POP7: variants seen among roughly 807,000 people sequenced by gnomAD.
The protein encoded by POP7 is POP7 ribonuclease P/MRP subunit, also known as ribonuclease P protein subunit p20.
POP7 carries 5 observed loss-of-function variants against 7.5 expected under a neutral mutation model. The ratio of observed to expected loss-of-function variants is 0.66; its 90% CI spans 0.35 to 1.40. The LOEUF (loss-of-function observed/expected upper bound fraction) is 1.40, where lower values mean the gene tolerates loss of function less well. POP7 is among the 40% of genes most tolerant of loss of function. The pLI, the probability that POP7 is intolerant of heterozygous loss-of-function variation, is 0.04. For missense variants in POP7, 170 were observed against 189.1 expected, an observed-to-expected ratio of 0.90 and a Z score of 0.59; for synonymous variants, 85 against 81.6, an observed-to-expected ratio of 1.04 and a Z score of -0.23.
At position 100,707,423 on chromosome 7, in the gene POP7, T is replaced by A; in HGVS notation, c.*170T>A. ...CTTGGTGGGCCCAGTTAGTGGGCCT[T>A]CCTGAGTGTGTGTATGCGGTCTGTA... On this transcript the variant is annotated 3_prime_UTR_variant, in exon 2 of 2. Coordinates refer to ENST00000303151, the MANE Select transcript of POP7 (RefSeq NM_005837.3). 1.4e-6 allele frequency: 1 copy of A among 732,736 alleles called. No individual in the cohort carries two copies. Among genetic ancestry groups the A allele is most frequent in the Non-Finnish European group, 2.3e-6 (1 of 444,194 alleles). The allele number at this position is 732,736 out of a possible 1,614,324, so 45.4% of individuals were successfully genotyped here. A position where few individuals can be genotyped will look rare whatever the true frequency, so the allele number is the denominator to read the frequency against.
intron 1 of POP7, among the ~76,000 whole-genome samples, chr7:100,706,567 C>G (rs1250750423): frequency 6.6e-6 from 1 of 151,948 alleles, no homozygotes; most frequent in Admixed American, 6.6e-5. Flanking sequence ...GCCTCGAACT[C>G]CCGATCTCAA....
At position 100,707,473 on chromosome 7, in the gene POP7, C is replaced by A; in HGVS notation, c.*220C>A. 1.7e-6 allele frequency: 1 copy of A among 579,206 alleles called. No homozygotes were observed. The highest frequency in any genetic ancestry group is 2.9e-5 in the East Asian group (1 of 33,912). The allele number at this position is 579,206 out of a possible 1,614,324, so 35.9% of individuals were successfully genotyped here. ...AACTATTGCCATATAAATAAAAAATCCTGTTGCACTAGTGTCCTGCCATCC... is the reference window on the plus strand; with the variant it reads ...AACTATTGCCATATAAATAAAAAATACTGTTGCACTAGTGTCCTGCCATCC... On this transcript the variant is annotated 3_prime_UTR_variant, in exon 2 of 2. Transcript: ENST00000303151.
At position 100,707,175 on chromosome 7, in the gene POP7, C is replaced by A; in HGVS notation, c.345C>A (p.Thr115=). 1 of 1,614,186 alleles carries A rather than the reference C, an allele frequency of 6.2e-7. No homozygotes were observed. Among genetic ancestry groups the A allele is most frequent in the Non-Finnish European group, 8.5e-7 (1 of 1,180,040 alleles). Residue 115 remains threonine, a synonymous_variant, in exon 2 of 2, where the codon ACC becomes ACA. Transcript: ENST00000303151. The part of the protein sequence containing the change: ...VELVDELEPE[T]DTREPLTRIR... The stretch of plus-strand genomic sequence containing the variant: ...TTGTTGATGAGCTGGAGCCAGAGAC[C>A]GACACACGGGAGCCACTGACTCGGA...
In POP7 at chr7:100,707,165, A is replaced by T; in HGVS notation, c.335A>T (p.Glu112Val). Reference sequence around the variant, plus strand: ...ACCGTGGAGCTTGTTGATGAGCTGGAGCCAGAGACCGACACACGGGAGCCA... The same window carrying T: ...ACCGTGGAGCTTGTTGATGAGCTGGTGCCAGAGACCGACACACGGGAGCCA... ...TSTVELVDEL[E>V]PETDTREPLT... Residue 112 changes from glutamate (E) to valine (V), a missense_variant, in exon 2 of 2, where the codon GAG (glutamate) becomes GTG (valine). Coordinates refer to ENST00000303151, the MANE Select transcript of POP7 (RefSeq NM_005837.3). The T allele has an allele frequency of 6.2e-7, 1 of 1,614,186 alleles. No individual in the cohort carries two copies.
chr7:100,707,006 G>A lies in POP7; in HGVS notation c.176G>A (p.Gly59Glu), dbSNP rs764947441. ...LARCQKLLDGGARGQNACSEI... is the reference protein window; with the variant it reads ...LARCQKLLDGEARGQNACSEI... ...CGCTGCCAGAAGCTGCTGGACGGAGGGGCCCGGGGTCAGAACGCGTGCTCT... is the reference window on the plus strand; with the variant it reads ...CGCTGCCAGAAGCTGCTGGACGGAGAGGCCCGGGGTCAGAACGCGTGCTCT... The change falls in exon 2 of 2, where the codon GGG becomes GAG. Residue 59 changes from glycine to glutamate, a missense_variant. Physicochemically the swap from Gly to Glu is moderately conservative, Grantham distance 98 (BLOSUM62 -2). Coordinates refer to ENST00000303151, the MANE Select transcript of POP7 (RefSeq NM_005837.3). 2 of 1,613,998 alleles carry A rather than the reference G, an allele frequency of 1.2e-6. No individual in the cohort carries two copies. The highest frequency in any genetic ancestry group is 1.3e-5 in the African/African-American group (1 of 74,934).
In POP7 at chr7:100,707,074, A is replaced by G. The variant is rs1806532956; in HGVS notation, c.244A>G (p.Ile82Val). 1 of 1,613,958 alleles carries G rather than the reference A, an allele frequency of 6.2e-7. No homozygotes were observed. The highest frequency in any genetic ancestry group is 8.5e-7 in the Non-Finnish European group (1 of 1,180,042). Residue 82 changes from isoleucine (I) to valine (V), a missense_variant, in exon 2 of 2, where the codon ATC (isoleucine) becomes GTC (valine). By Grantham distance (29) the Ile-to-Val change is conservative. Transcript: ENST00000303151. ...CTTGGGCCTGGCCATCAACCGCGCCATCAACATCGCGCTGCAGCTGCAGGC... is the reference window on the plus strand; with the variant it reads ...CTTGGGCCTGGCCATCAACCGCGCCGTCAACATCGCGCTGCAGCTGCAGGC... Reference protein sequence around the residue: ...HGLGLAINRAINIALQLQAGS... With the variant: ...HGLGLAINRAVNIALQLQAGS...
chr7:100,707,221 C>T lies in POP7; in HGVS notation c.391C>T (p.His131Tyr), dbSNP rs1806536802. 5 of 1,614,110 alleles carry T rather than the reference C, an allele frequency of 3.1e-6. No individual in the cohort carries two copies. The highest frequency in any genetic ancestry group is 4.2e-6 in the Non-Finnish European group (5 of 1,179,942). ...LTRIRNNSAI[H>Y]IRVFRVTPK Reference sequence around the variant, plus strand: ...TCGGATCCGCAACAACTCAGCCATCCACATCCGAGTCTTCAGGGTCACACC... The same window carrying T: ...TCGGATCCGCAACAACTCAGCCATCTACATCCGAGTCTTCAGGGTCACACC... The change falls in exon 2 of 2, where the codon CAC (histidine) becomes TAC (tyrosine). Residue 131 changes from histidine (H) to tyrosine (Y), a missense_variant. His to Tyr is a moderately conservative substitution (Grantham distance 83). Transcript: ENST00000303151.
Position 100,706,971 on chromosome 7 carries a change from C to T in POP7, c.141C>T (p.Ala47=). The T allele has an allele frequency of 5.6e-6, 9 of 1,614,100 alleles. No homozygotes were observed. The highest frequency in any genetic ancestry group is 1.1e-5 in the South Asian group (1 of 91,078). The change falls in exon 2 of 2, where the codon GCC becomes GCT. Residue 47 remains alanine (A), a synonymous_variant. Transcript: ENST00000303151. ...TCAACATGAAGACGGACTTTAAGGC[C>T]CAGCTGGCCCGCTGCCAGAAGCTGC... ...IYVNMKTDFK[A]QLARCQKLLD...
chr7:100,707,273 C>T lies in POP7; in HGVS notation c.*20C>T, dbSNP rs1285771868. On this transcript the variant is annotated 3_prime_UTR_variant, in exon 2 of 2. Coordinates refer to ENST00000303151, the MANE Select transcript of POP7 (RefSeq NM_005837.3). ...AAGTAATTGAAAAGACACTCCTCCA[C>T]TTATCCCCTCCGTGATATGGCTCTT... The T allele has an allele frequency of 1.9e-6, 3 of 1,604,866 alleles. No individual in the cohort carries two copies. In the South Asian group the frequency reaches 3.3e-5, roughly 18 times the overall value.
chr7:100,706,934 A>G lies in POP7; in HGVS notation c.104A>G (p.Asn35Ser), dbSNP rs754657701. The G allele has an allele frequency of 5.6e-6, 9 of 1,614,036 alleles. No individual in the cohort carries two copies. Among genetic ancestry groups the G allele is most frequent in the East Asian group, 2.2e-5 (1 of 44,872 alleles). ...RLPSRLPRRP[N>S]DIYVNMKTDF... ...CCCAGCCGCCTGCCCCGGAGACCCA[A>G]TGACATTTATGTCAACATGAAGACG... Residue 35 changes from asparagine to serine, a missense_variant, in exon 2 of 2, where the codon AAT (asparagine) becomes AGT (serine). Coordinates refer to ENST00000303151, the MANE Select transcript of POP7 (RefSeq NM_005837.3).
chr7:100,706,687 C>T lies in POP7; in HGVS notation c.-10-134C>T, dbSNP rs1806523938. On this transcript the variant is annotated intron_variant, in intron 1 of 1. Coordinates refer to ENST00000303151, the MANE Select transcript of POP7 (RefSeq NM_005837.3). ...ACCCGGGCTCCAGTGATCCTCCCGCCTCGACCTTCCAAAGTGCTGAGGTTA... is the reference window on the plus strand; with the variant it reads ...ACCCGGGCTCCAGTGATCCTCCCGCTTCGACCTTCCAAAGTGCTGAGGTTA... The T allele has an allele frequency of 5.7e-6, 5 of 877,216 alleles. No homozygotes were observed. In the East Asian group the frequency reaches 1.2e-4, roughly 22 times the overall value. The allele number at this position is 877,216 out of a possible 1,614,324, so 54.3% of individuals were successfully genotyped here. A position where few individuals can be genotyped will look rare whatever the true frequency, so the allele number is the denominator to read the frequency against.
rs1270779306 is a variant in POP7 at position 100,706,313 on chromosome 7, G to GGGAGGGGCGGC, written c.-11+19_-11+29dup. 2 of 158,614 alleles carry GGGAGGGGCGGC rather than the reference G, an allele frequency of 1.3e-5. No homozygotes were observed. Among genetic ancestry groups the GGGAGGGGCGGC allele is most frequent in the African/African-American group, 2.4e-5 (1 of 41,496 alleles). 9.8% of individuals were successfully genotyped at this position (158,614 alleles called of 1,614,324 possible). A position where few individuals can be genotyped will look rare whatever the true frequency, so the allele number is the denominator to read the frequency against. On this transcript the variant is annotated intron_variant, in intron 1 of 1. Transcript: ENST00000303151. ...CCTGTGGAACGAAGAGAGTAAGCACGGGAGGGGCGGCGGAGGGGCGCGAGT... is the reference window on the plus strand; with the variant it reads ...CCTGTGGAACGAAGAGAGTAAGCACGGGAGGGGCGGCGGAGGGGCGGCGGAGGGGCGCGAGT...
chr7:100,706,978 G>A lies in POP7; in HGVS notation c.148G>A (p.Ala50Thr). ...NMKTDFKAQL[A>T]RCQKLLDGGA... ...GAAGACGGACTTTAAGGCCCAGCTG[G>A]CCCGCTGCCAGAAGCTGCTGGACGG... is the stretch of plus-strand genomic sequence containing the variant. The change falls in exon 2 of 2, where the codon GCC (alanine) becomes ACC (threonine). Residue 50 changes from alanine to threonine, a missense_variant. Physicochemically the swap from Ala to Thr is moderately conservative, Grantham distance 58 (BLOSUM62 0). Coordinates refer to ENST00000303151, the MANE Select transcript of POP7 (RefSeq NM_005837.3). 3 of 1,614,120 alleles carry A rather than the reference G, an allele frequency of 1.9e-6. No homozygotes were observed. In the South Asian group the frequency reaches 3.3e-5, roughly 18 times the overall value.
In POP7 at chr7:100,707,280, C is replaced by A. The variant is rs1806538457; in HGVS notation, c.*27C>A. 1.3e-6 allele frequency: 2 copies of A among 1,599,790 alleles called. No individual in the cohort carries two copies. The highest frequency in any genetic ancestry group is 2.2e-5 in the South Asian group (2 of 89,840). On this transcript the variant is annotated 3_prime_UTR_variant, in exon 2 of 2. Coordinates refer to ENST00000303151, the MANE Select transcript of POP7 (RefSeq NM_005837.3). ...TGAAAAGACACTCCTCCACTTATCC[C>A]CTCCGTGATATGGCTCTTCGCATGC...
chr7:100,707,416 T>C lies in POP7; in HGVS notation c.*163T>C, dbSNP rs559583366. ...ATTGTCTCTTGGTGGGCCCAGTTAG[T>C]GGGCCTTCCTGAGTGTGTGTATGCG... On this transcript the variant is annotated 3_prime_UTR_variant, in exon 2 of 2. Coordinates refer to ENST00000303151, the MANE Select transcript of POP7 (RefSeq NM_005837.3). The C allele has an allele frequency of 1.4e-5, 11 of 775,118 alleles. No homozygotes were observed. The African/African-American group carries it at 1.9e-4, about 14-fold the overall frequency. The allele number at this position is 775,118 out of a possible 1,614,324, so 48.0% of individuals were successfully genotyped here.
At position 100,707,011 on chromosome 7, in the gene POP7, C is replaced by T. The variant is rs942033524; in HGVS notation, c.181C>T (p.Arg61Trp). The change falls in exon 2 of 2, where the codon CGG becomes TGG. Residue 61 changes from arginine (R) to tryptophan (W), a missense_variant. Physicochemically the swap from Arg to Trp is moderately radical, Grantham distance 101. Coordinates refer to ENST00000303151, the MANE Select transcript of POP7 (RefSeq NM_005837.3). ...CCAGAAGCTGCTGGACGGAGGGGCCCGGGGTCAGAACGCGTGCTCTGAGAT... is the reference window on the plus strand; with the variant it reads ...CCAGAAGCTGCTGGACGGAGGGGCCTGGGGTCAGAACGCGTGCTCTGAGAT... ...RCQKLLDGGA[R>W]GQNACSEIYI... 14 of 1,613,724 alleles carry T rather than the reference C, an allele frequency of 8.7e-6. No individual in the cohort carries two copies. The highest frequency in any genetic ancestry group is 1.1e-5 in the Non-Finnish European group (13 of 1,180,000).
Position 100,707,426 on chromosome 7 carries a change from T to A in POP7, c.*173T>A. 1 of 712,280 alleles carries A rather than the reference T, an allele frequency of 1.4e-6. No homozygotes were observed. Among genetic ancestry groups the A allele is most frequent in the Admixed American group, 2.9e-5 (1 of 34,046 alleles). 44.1% of individuals were successfully genotyped at this position (712,280 alleles called of 1,614,324 possible). ...GGTGGGCCCAGTTAGTGGGCCTTCC[T>A]GAGTGTGTGTATGCGGTCTGTAACT... On this transcript the variant is annotated 3_prime_UTR_variant, in exon 2 of 2. Transcript: ENST00000303151.
chr7:100,707,033 A>T lies in POP7; in HGVS notation c.203A>T (p.Glu68Val). 1.2e-6 allele frequency: 2 copies of T among 1,614,138 alleles called. No homozygotes were observed. Among genetic ancestry groups the T allele is most frequent in the African/African-American group, 2.7e-5 (2 of 75,058 alleles). ...GGARGQNACS[E>V]IYIHGLGLAI... Reference sequence around the variant, plus strand: ...GCCCGGGGTCAGAACGCGTGCTCTGAGATCTACATTCACGGCTTGGGCCTG... The same window carrying T: ...GCCCGGGGTCAGAACGCGTGCTCTGTGATCTACATTCACGGCTTGGGCCTG... Residue 68 changes from glutamate to valine, a missense_variant, in exon 2 of 2, where the codon GAG (glutamate) becomes GTG (valine). Physicochemically the swap from Glu to Val is moderately radical, Grantham distance 121. Transcript: ENST00000303151.
Position 100,706,971 on chromosome 7 carries a change from C to G in POP7, c.141C>G (p.Ala47=). The change falls in exon 2 of 2, where the codon GCC becomes GCG. Residue 47 remains alanine, a synonymous_variant. Transcript: ENST00000303151. ...TCAACATGAAGACGGACTTTAAGGC[C>G]CAGCTGGCCCGCTGCCAGAAGCTGC... ...IYVNMKTDFK[A]QLARCQKLLD... is the part of the protein sequence containing the mutation. 6.2e-7 allele frequency: 1 copy of G among 1,614,100 alleles called. No homozygotes were observed. The highest frequency in any genetic ancestry group is 8.5e-7 in the Non-Finnish European group (1 of 1,180,046).
Sources: allele counts gnomAD v4.1 joint callset (sites outside exome capture counted in the v4.1 genomes callset), GRCh38; gene constraint gnomAD v4.1.1; transcripts MANE v1.5; gene names NCBI Gene and HGNC (gene_info 2026-07-23, HGNC 2026-07-21).